TERT: variants seen among roughly 807,000 people sequenced by gnomAD.
The protein encoded by TERT is telomerase catalytic subunit.
TERT carries 42 observed loss-of-function variants against 104.0 expected under a neutral mutation model. The ratio of observed to expected loss-of-function variants is 0.40; its 90% confidence interval spans 0.32 to 0.52. The LOEUF (loss-of-function observed/expected upper bound fraction) is 0.52, where lower values mean the gene tolerates loss of function less well. Ranked by LOEUF, TERT falls within the 20% of genes least tolerant of loss-of-function variation. The pLI is 0.43. For missense variants in TERT, 1,101 were observed against 1,610.3 expected (o/e 0.68, Z 5.41); for synonymous variants, 781 against 725.6 (o/e 1.08, Z -1.23).
At chr5:1,282,318 C>A in intron 3 of TERT, 111 bp downstream of exon 3, 2 of 1,227,874 alleles carry the variant, frequency 1.6e-6, no homozygotes, top group Admixed American at 1.8e-5. Flanking sequence ...GGCTCCCAGC[C>A]CAGAGCTGCA....
intron 6 of TERT, among the ~76,000 whole-genome samples, chr5:1,278,294 A>T (rs896923619): frequency 1.3e-5 from 2 of 152,170 alleles, no homozygotes; most frequent in African/African-American, 4.8e-5. Context: ...CACCCATGCC[A>T]TAGACACGCA....
At position 1,294,085 on chromosome 5, in the gene TERT, G is replaced by A. The variant is rs2126687721; in HGVS notation, c.801C>T (p.Asp267=). 1 of 1,590,876 alleles carries A rather than the reference G, an allele frequency of 6.3e-7. No homozygotes were observed. The highest frequency in any genetic ancestry group is 8.5e-7 in the Non-Finnish European group (1 of 1,171,152). ...AHPGRTRGPS[D]RGFCVVSPAR... ...CAGGTGACACCACACAGAAACCACG[G>A]TCACTCGGTCCACGCGTCCTGCCCG... is the stretch of plus-strand genomic sequence containing the variant. The change falls in exon 2 of 16, where the codon GAC becomes GAT. Residue 267 remains aspartate, a synonymous_variant. Transcript: ENST00000310581.
chr5:1,292,046 G>A lies in TERT; in HGVS notation c.1573+1267C>T, dbSNP rs1751026513. On this transcript the variant is annotated intron_variant, in intron 2 of 15. Transcript: ENST00000310581. This position sits in a 1 kb window ranked among gnomAD's most constrained non-coding sequence, Gnocchi z 5.5. ...AGCAACCTGCTGTAAACACCGCCGA[G>A]TTAGCAATTCTGCACTGTACACAGA... Among the ~76,000 whole-genome samples the A allele has an allele frequency of 6.6e-6, 1 of 152,190 alleles. No homozygotes were observed. Among genetic ancestry groups the A allele is most frequent in the Admixed American group, 6.5e-5 (1 of 15,282 alleles).
At position 1,256,625 on chromosome 5, in the gene TERT, C is replaced by T. The variant is rs1232215562; in HGVS notation, c.3033-1214G>A. Among the ~76,000 whole-genome samples the T allele has an allele frequency of 1.3e-5, 2 of 152,198 alleles. No homozygotes were observed. Among genetic ancestry groups the T allele is most frequent in the Non-Finnish European group, 2.9e-5 (2 of 68,044 alleles). On this transcript the variant is annotated intron_variant, in intron 13 of 15. Transcript: ENST00000310581. This position sits in a 1 kb window ranked among gnomAD's most constrained non-coding sequence, Gnocchi z 7.0. ...CCACTTCTGGAATGACCTGAGATCA[C>T]ACCAGTCAAGCCAGCACCCCGGTTT... is the stretch of plus-strand genomic sequence containing the variant.
chr5:1,253,896 G>A, intron 15 of TERT, 65 bp from the exon 16 acceptor site: 4 of 1,523,260 alleles, frequency 2.6e-6, no homozygotes, highest in Non-Finnish European at 3.6e-6. Context: ...AACCCTCCTA[G>A]GACGTGTGGG....
intron 6 of TERT, among the ~76,000 whole-genome samples, chr5:1,276,848 C>T (rs955321886): frequency 3.9e-4 from 59 of 152,216 alleles, no homozygotes; most frequent in African/African-American, 1.4e-3. Flanking sequence ...AAGTGGACTG[C>T]GTTACTGGAC....
rs1748395874 is a variant in TERT at position 1,263,855 on chromosome 5, C to T, written c.2843+549G>A. ...GACCCCAGAATTTTGTAGAGACCCC[C>T]CCCACACCATGGCCCTGTCCCCTGA... On this transcript the variant is annotated intron_variant, in intron 11 of 15. Transcript: ENST00000310581. The surrounding 1 kb of genome is among the most constrained non-coding windows in gnomAD (Gnocchi z 5.3). Among the ~76,000 whole-genome samples, 1 of 152,222 alleles carries T rather than the reference C, an allele frequency of 6.6e-6. No homozygotes were observed. Among genetic ancestry groups the T allele is most frequent in the South Asian group, 2.1e-4 (1 of 4,834 alleles).
Position 1,280,286 on chromosome 5 carries a change from G to A in TERT, c.1822C>T (p.Gln608Ter). The change falls in exon 4 of 16, where the codon CAG (glutamine) becomes TAG (stop). Residue 608 changes from glutamine (Q) to a stop codon, truncating the protein, a stop_gained. Transcript: ENST00000310581. LOFTEE classifies it high-confidence loss of function. The part of the protein sequence containing the change: ...LRELSEAEVR[Q>*]HREARPALLT... ...AGGGCGGGCCTGGCTTCCCGATGCT[G>A]CCTGACCTCTGCTTCCGACAGCTCC... is the stretch of plus-strand genomic sequence containing the variant. The A allele has an allele frequency of 6.2e-7, 1 of 1,613,708 alleles. No homozygotes were observed. Among genetic ancestry groups the A allele is most frequent in the Non-Finnish European group, 8.5e-7 (1 of 1,180,030 alleles).
Position 1,279,489 on chromosome 5 carries a change from G to C in TERT, c.1951-19C>G. The C allele has an allele frequency of 6.5e-7, 1 of 1,548,102 alleles. No individual in the cohort carries two copies. The stretch of plus-strand genomic sequence containing the variant: ...GCTCGGCCTGGCGGGGACAGCATGG[G>C]AGACAGTCAGGAAAGTGGATCCGGC... On this transcript the variant is annotated intron_variant, in intron 4 of 15. Coordinates refer to ENST00000310581, the MANE Select transcript of TERT (RefSeq NM_198253.3).
At chr5:1,280,458 C>T (rs35868315) in intron 3 of TERT, 120 bp from the exon 4 acceptor site, 24 of 1,127,704 alleles carry the variant, frequency 2.1e-5, no homozygotes, top group African/African-American at 1.2e-4. Flanking sequence ...CGGCAGCACA[C>T]GCTGAAGGCC....
chr5:1,285,565 AT>A (rs1170336173), intron 2 of TERT, among the ~76,000 whole-genome samples: 21,835 of 81,440 alleles, frequency 0.27, 933 homozygotes, highest in Middle Eastern at 0.54. Context: ...GGCTACTAGA[AT>A]TTTTTTTTTT....
chr5:1,293,980 C>T lies in TERT; in HGVS notation c.906G>A (p.Gln302=), dbSNP rs748557434. The change falls in exon 2 of 16, where the codon CAG becomes CAA. Residue 302 remains glutamine, a synonymous_variant. Transcript: ENST00000310581. The part of the protein sequence containing the change: ...TRHSHPSVGR[Q]HHAGPPSTSR... ...ATGTGGATGGGGGGCCCGCGTGGTG[C>T]TGGCGGCCCACGGATGGGTGGGAGT... The T allele has an allele frequency of 6.4e-7, 1 of 1,566,606 alleles. No homozygotes were observed. Among genetic ancestry groups the T allele is most frequent in the Non-Finnish European group, 8.6e-7 (1 of 1,159,504 alleles).
At chr5:1,264,797 A>G (rs1748478775) in intron 10 of TERT, among the ~76,000 whole-genome samples, 1 of 152,188 alleles carries the variant, frequency 6.6e-6, no homozygotes, top group Middle Eastern at 3.2e-3. Context: ...CAGGACAGGT[A>G]GGTGAGCATG....
chr5:1,285,401 G>A (rs1022100557), intron 2 of TERT, among the ~76,000 whole-genome samples: 4 of 152,116 alleles, frequency 2.6e-5, no homozygotes, highest in Admixed American at 6.6e-5. Context: ...ACCTACACAC[G>A]GGATCCCGCA....
At chr5:1,278,391 GACAC>G (rs879243344) in intron 6 of TERT, among the ~76,000 whole-genome samples, 4 of 151,736 alleles carry the variant, frequency 2.6e-5, no homozygotes, top group East Asian at 1.9e-4. Context: ...ACGTGTCACA[GACAC>G]ACACACATGC....
chr5:1,294,169 C>T lies in TERT; in HGVS notation c.717G>A (p.Arg239=). ...GCTCCGGCTCAGGGGCAGCGCCACGCCTGGGCCTCTTGGGCAACGGCAGAC... is the reference window on the plus strand; with the variant it reads ...GCTCCGGCTCAGGGGCAGCGCCACGTCTGGGCCTCTTGGGCAACGGCAGAC... ...SRSLPLPKRP[R]RGAAPEPERT... is the part of the protein sequence containing the mutation. Residue 239 remains arginine (R), a synonymous_variant, in exon 2 of 16, where the codon AGG becomes AGA. Coordinates refer to ENST00000310581, the MANE Select transcript of TERT (RefSeq NM_198253.3). 6.3e-7 allele frequency: 1 copy of T among 1,582,104 alleles called. No individual in the cohort carries two copies. Among genetic ancestry groups the T allele is most frequent in the South Asian group, 1.1e-5 (1 of 88,476 alleles).
Position 1,288,863 on chromosome 5 carries a change from G to A in TERT, c.1573+4450C>T, listed in dbSNP as rs985423339. ...ACCTGAAGCTGTGGCTGCAGTGCCTGGCACGCGGGAGGCGAGAGCCTGCAG... is the reference window on the plus strand; with the variant it reads ...ACCTGAAGCTGTGGCTGCAGTGCCTAGCACGCGGGAGGCGAGAGCCTGCAG... On this transcript the variant is annotated intron_variant, in intron 2 of 15. Transcript: ENST00000310581. The surrounding 1 kb of genome is among the most constrained non-coding windows in gnomAD (Gnocchi z 5.3). Among the ~76,000 whole-genome samples the A allele has an allele frequency of 1.3e-5, 2 of 152,202 alleles. No homozygotes were observed. Among genetic ancestry groups the A allele is most frequent in the African/African-American group, 4.8e-5 (2 of 41,446 alleles).
At chr5:1,277,914 C>T (rs895097569) in intron 6 of TERT, among the ~76,000 whole-genome samples, 1 of 152,216 alleles carries the variant, frequency 6.6e-6, no homozygotes, top group African/African-American at 2.4e-5. Context: ...GTGCTCATGA[C>T]CACTGGGTGG....
intron 6 of TERT, among the ~76,000 whole-genome samples, chr5:1,276,528 C>G (rs1020162014): frequency 6.7e-6 from 1 of 150,214 alleles, no homozygotes; most frequent in Non-Finnish European, 1.5e-5. Flanking sequence ...TCCCACAGAT[C>G]CCCACCTACC....
Sources: allele counts gnomAD v4.1 joint callset (sites outside exome capture counted in the v4.1 genomes callset), GRCh38; gene constraint gnomAD v4.1.1; non-coding constraint Gnocchi (gnomAD v3.1); transcripts MANE v1.5; gene names NCBI Gene and HGNC (gene_info 2026-07-23, HGNC 2026-07-21).